LRPPRC: variants seen among roughly 807,000 people sequenced by gnomAD.
LRPPRC encodes leucine-rich PPR motif-containing protein, mitochondrial.
In LRPPRC, 120 loss-of-function variants were observed where a neutral mutation model predicts 180.3. That is an observed-to-expected ratio of 0.67 (90% CI 0.57 to 0.77). LRPPRC has a LOEUF of 0.77. Ranked by LOEUF, LRPPRC falls within the 30% of genes least tolerant of loss-of-function variation. The pLI is 0.00. For synonymous variants in LRPPRC, 723 were observed against 600.0 expected, an observed-to-expected ratio of 1.21 and a Z score of -3.00; for missense variants, 2,012 against 1,657.2, an observed-to-expected ratio of 1.21 and a Z score of -3.72.
In LRPPRC at chr2:43,950,566, G is replaced by A. The variant is rs374995996; in HGVS notation, c.1677+7C>T. ...ACCTTATGATTTGCAATATTAGAGG[G>A]ACTTACCTCGCTCCAAAGATTTATA... On this transcript the variant is annotated splice_region_variant and intron_variant, in intron 15 of 37. Coordinates refer to ENST00000260665, the MANE Select transcript of LRPPRC (RefSeq NM_133259.4). 2.4e-5 allele frequency: 38 copies of A among 1,612,130 alleles called. No individual in the cohort carries two copies. The highest frequency in any genetic ancestry group is 2.8e-5 in the Non-Finnish European group (33 of 1,178,450).
At chr2:43,903,009 A>C (rs934705074) in intron 31 of LRPPRC, 1 of 152,204 alleles carries the variant, frequency 6.6e-6, no homozygotes, top group Non-Finnish European at 1.5e-5. Flanking sequence ...AGTTTGCCCA[A>C]GGTAAAATCA....
At chr2:43,939,174 G>A (rs1019533424) in intron 23 of LRPPRC, among the ~76,000 whole-genome samples, 3 of 151,662 alleles carry the variant, frequency 2.0e-5, no homozygotes, top group East Asian at 1.9e-4. Flanking sequence ...CCAGCTACTC[G>A]GGAGGCTGAG....
At chr2:43,963,434 A>T in intron 12 of LRPPRC, 154 bp downstream of exon 12, 1 of 669,706 alleles carries the variant, frequency 1.5e-6, no homozygotes, top group Non-Finnish European at 2.7e-6. Context: ...ATGAGAGAGA[A>T]ACTCCATCTC....
intron 1 of LRPPRC, among the ~76,000 whole-genome samples, chr2:43,986,162 G>C (rs865817812): frequency 6.6e-6 from 1 of 152,022 alleles, no homozygotes; most frequent in Admixed American, 6.6e-5. Flanking sequence ...ATGGAGTCTT[G>C]CTCTGTCACC....
intron 11 of LRPPRC, among the ~76,000 whole-genome samples, chr2:43,972,099 G>A (rs533039481): frequency 6.6e-6 from 1 of 152,184 alleles, no homozygotes; most frequent in South Asian, 2.1e-4. Context: ...GAATATGGAA[G>A]GGTTATAGTA....
intron 24 of LRPPRC, 150 bp from the exon 25 acceptor site, chr2:43,934,446 A>G: frequency 1.6e-6 from 1 of 617,452 alleles, no homozygotes; most frequent in Non-Finnish European, 2.8e-6. Context: ...TCGACTAATT[A>G]AGTACCTAAC....
In LRPPRC at chr2:43,942,537, T is replaced by G. The variant is rs182062082; in HGVS notation, c.2504+1150A>C. Among the ~76,000 whole-genome samples, 465 of 152,262 alleles carry G rather than the reference T, an allele frequency of 3.1e-3. 1 individual carries two copies. Among genetic ancestry groups the G allele is most frequent in the Non-Finnish European group, 5.6e-3 (380 of 67,984 alleles). Reference sequence around the variant, plus strand: ...TTTGATTGGATGGCAAAGGAATTATTTCATGTGTGCATGCATGTATTCACA... The same window carrying G: ...TTTGATTGGATGGCAAAGGAATTATGTCATGTGTGCATGCATGTATTCACA... On this transcript the variant is annotated intron_variant, in intron 23 of 37. Transcript: ENST00000260665.
chr2:43,929,505 A>C (rs1672008838), intron 25 of LRPPRC, among the ~76,000 whole-genome samples: 1 of 152,178 alleles, frequency 6.6e-6, no homozygotes. Context: ...AGCATTCATG[A>C]CATACCTTTT....
At chr2:43,917,445 A>G (rs1671513140) in intron 29 of LRPPRC, among the ~76,000 whole-genome samples, 1 of 151,990 alleles carries the variant, frequency 6.6e-6, no homozygotes, top group African/African-American at 2.4e-5. Context: ...AAAATTTCAG[A>G]ACATTTCCCT....
In LRPPRC at chr2:43,911,518, TTCTTC is replaced by T. The variant is rs1198241246; in HGVS notation, c.3275+909_3275+913del. ...TATTCCTTTTCTTTTCTTCTTCTTC[TTCTTC>T]TTTTTTTTTTTTTTTTTTTTTGAGA... is the stretch of plus-strand genomic sequence containing the variant. On this transcript the variant is annotated intron_variant, in intron 30 of 37. Coordinates refer to ENST00000260665, the MANE Select transcript of LRPPRC (RefSeq NM_133259.4). Among the ~76,000 whole-genome samples the T allele has an allele frequency of 2.6e-3, 335 of 129,666 alleles. 1 individual carries two copies. Among genetic ancestry groups the T allele is most frequent in the African/African-American group, 9.8e-3 (317 of 32,338 alleles). The allele number at this position is 129,666 out of a possible 152,430, so 85.1% of individuals were successfully genotyped here.
intron 14 of LRPPRC, among the ~76,000 whole-genome samples, chr2:43,954,967 C>G (rs1366723853): frequency 6.6e-6 from 1 of 152,160 alleles, no homozygotes. Context: ...ACACCTCTTA[C>G]AGGTCTCTGC....
chr2:43,996,059 G>A (rs1441276737), upstream of LRPPRC: 90 of 1,067,942 alleles, frequency 8.4e-5, no homozygotes, highest in Non-Finnish European at 1.2e-4. Flanking sequence ...TGCCAAATGT[G>A]GGGGGAGCGA....
At chr2:43,949,184 G>A (rs1414545910) in intron 16 of LRPPRC, among the ~76,000 whole-genome samples, 1 of 152,126 alleles carries the variant, frequency 6.6e-6, no homozygotes, top group Non-Finnish European at 1.5e-5. Flanking sequence ...TATGAAAAAT[G>A]AAAATCATTA....
intron 24 of LRPPRC, 28 bp downstream of exon 24, chr2:43,934,723 AACT>A: frequency 6.2e-7 from 1 of 1,608,512 alleles, no homozygotes; most frequent in Non-Finnish European, 8.5e-7. Context: ...GGGAAAAAAA[AACT>A]ACATTAAGAT....
intron 13 of LRPPRC, among the ~76,000 whole-genome samples, chr2:43,958,807 T>C (rs1244074595): frequency 1.3e-5 from 2 of 152,208 alleles, no homozygotes. Flanking sequence ...CTGAAGCACG[T>C]ACCAGCAATC....
intron 32 of LRPPRC, 81 bp downstream of exon 32, chr2:43,901,239 A>C: frequency 2.9e-6 from 3 of 1,046,688 alleles, no homozygotes. Context: ...CACATGTCTA[A>C]AAAAGTTTTT....
At position 43,950,589 on chromosome 2, in the gene LRPPRC, A is replaced by C; in HGVS notation, c.1661T>G (p.Ile554Arg). The C allele has an allele frequency of 1.2e-6, 2 of 1,613,732 alleles. No homozygotes were observed. Among genetic ancestry groups the C allele is most frequent in the Middle Eastern group, 1.6e-4 (1 of 6,062 alleles). The change falls in exon 15 of 38, where the codon ATA (isoleucine) becomes AGA (arginine). Residue 554 changes from isoleucine to arginine, a missense_variant. Ile to Arg is a moderately conservative substitution (Grantham distance 97). Transcript: ENST00000260665. ...LLLGFRRSMN[I>R]NLWSEITELL... Reference sequence around the variant, plus strand: ...GGGACTTACCTCGCTCCAAAGATTTATATTCATAGACCTGCAGAGGGCAGC... The same window carrying C: ...GGGACTTACCTCGCTCCAAAGATTTCTATTCATAGACCTGCAGAGGGCAGC...
intron 29 of LRPPRC, among the ~76,000 whole-genome samples, chr2:43,917,310 A>C (rs1044338240): frequency 1.3e-5 from 2 of 151,878 alleles, no homozygotes; most frequent in African/African-American, 4.8e-5. Flanking sequence ...AAGCCTCCCA[A>C]AGTGCTGGGA....
intron 25 of LRPPRC, among the ~76,000 whole-genome samples, chr2:43,932,123 CAAAAAA>C (rs746600862): frequency 4.0e-3 from 83 of 20,826 alleles, no homozygotes; most frequent in Non-Finnish European, 5.8e-3. Context: ...GACCCTGTCT[CAAAAAA>C]AAAAAAAAAA....
Sources: allele counts gnomAD v4.1 joint callset (sites outside exome capture counted in the v4.1 genomes callset), GRCh38; gene constraint gnomAD v4.1.1; transcripts MANE v1.5; gene names NCBI Gene and HGNC (gene_info 2026-07-23, HGNC 2026-07-21).